The following SYNRG variants were observed in gnomAD, a reference collection of about 807,000 sequenced individuals.
SYNRG encodes the protein synergin gamma.
In SYNRG, 37 loss-of-function variants were observed where a neutral mutation model predicts 130.9. That is an observed-to-expected ratio of 0.28 (90% CI 0.22 to 0.37). The LOEUF is 0.37. Among genes scored for constraint, SYNRG ranks in the 10% least tolerant of loss-of-function variants. The pLI, the probability that SYNRG is intolerant of heterozygous loss-of-function variation, is 1.00. For missense variants in SYNRG, 1,338 were observed against 1,588.9 expected (o/e 0.84, Z 2.68); for synonymous variants, 539 against 568.1 (o/e 0.95, Z 0.73).
At chr17:37,591,975 T>C (rs1374286052) in intron 3 of SYNRG, among the ~76,000 whole-genome samples, 1 of 152,178 alleles carries the variant, frequency 6.6e-6, no homozygotes, top group African/African-American at 2.4e-5. Flanking sequence ...AATTGAACTT[T>C]TGCTCTGTAA....
At chr17:37,581,156 A>G (rs1470379983) in intron 6 of SYNRG, among the ~76,000 whole-genome samples, 3 of 152,184 alleles carry the variant, frequency 2.0e-5, no homozygotes, top group African/African-American at 4.8e-5. Flanking sequence ...GTGGCTTTTT[A>G]TTGTTAAATG....
intron 1 of SYNRG, 152 bp from the exon 2 acceptor site, chr17:37,600,555 G>A: frequency 2.6e-6 from 2 of 777,956 alleles, no homozygotes; most frequent in Non-Finnish European, 2.3e-6. Flanking sequence ...AGTACACTGA[G>A]CATCCATAGG....
At chr17:37,524,126 TG>T (rs2055522297) in intron 19 of SYNRG, among the ~76,000 whole-genome samples, 1 of 152,150 alleles carries the variant, frequency 6.6e-6, no homozygotes, top group African/African-American at 2.4e-5. Flanking sequence ...GTCAAGCATC[TG>T]GGAGCCTGGC....
intron 8 of SYNRG, among the ~76,000 whole-genome samples, chr17:37,575,840 C>CAAAAAAAAAAAAAAAAAAAAAAAAA (rs1187221456): frequency 1.6e-5 from 1 of 63,372 alleles, no homozygotes; most frequent in Non-Finnish European, 3.6e-5. Context: ...GACCTTGTCT[C>CAAAAAAAAAAAAAAAAAAAAAAAAA]AAAAAAAAAA....
intron 2 of SYNRG, among the ~76,000 whole-genome samples, chr17:37,598,421 T>C (rs1324555154): frequency 1.3e-5 from 2 of 152,216 alleles, no homozygotes; most frequent in Admixed American, 6.5e-5. Context: ...AGATTGAAAA[T>C]AGCCACAGTA....
At chr17:37,535,529 C>T (rs2057106817) in intron 19 of SYNRG, among the ~76,000 whole-genome samples, 1 of 152,132 alleles carries the variant, frequency 6.6e-6, no homozygotes, top group Non-Finnish European at 1.5e-5. Flanking sequence ...TTTGTCTATT[C>T]AGAGAACTAC....
rs180727157 is a variant in SYNRG at position 37,557,952 on chromosome 17, C to A, written c.1663+3243G>T. On this transcript the variant is annotated intron_variant, in intron 13 of 21. Coordinates refer to ENST00000612223, the MANE Select transcript of SYNRG (RefSeq NM_007247.6). Reference sequence around the variant, plus strand: ...CTATTACGGGAATACACATTATGGTCATTAATACCATATTACACAAGAATC... The same window carrying A: ...CTATTACGGGAATACACATTATGGTAATTAATACCATATTACACAAGAATC... Among the ~76,000 whole-genome samples the A allele has an allele frequency of 1.4e-4, 22 of 152,304 alleles. No homozygotes were observed. The East Asian group carries it at 4.2e-3, about 29-fold the overall frequency.
At chr17:37,520,969 C>T (rs1348365120) in intron 19 of SYNRG, among the ~76,000 whole-genome samples, 2 of 151,964 alleles carry the variant, frequency 1.3e-5, no homozygotes, top group Non-Finnish European at 2.9e-5. Flanking sequence ...GGGAGCGGCA[C>T]TTAGCCCAAC....
In SYNRG at chr17:37,540,457, G is replaced by A. The variant is rs965567491; in HGVS notation, c.3289C>T (p.Arg1097Cys). The change falls in exon 16 of 22, where the codon CGT becomes TGT. Residue 1097 changes from arginine to cysteine, a missense_variant. By Grantham distance (180) the Arg-to-Cys change is radical. This residue lies in a region of SYNRG where 1,146 missense variants were observed against 1,342.3 expected (regional missense o/e 0.85). Transcript: ENST00000612223. ...SPALEQPFRD[R>C]SNTLNEKPAL... is the part of the protein sequence containing the mutation. ...GGCTTCTCATTCAGAGTATTGGAAC[G>A]GTCTCTGAAAGGCTGCTCCAAAGCT... The A allele has an allele frequency of 6.8e-6, 11 of 1,613,744 alleles. 1 individual carries two copies. The highest frequency in any genetic ancestry group is 2.2e-5 in the South Asian group (2 of 91,072).
chr17:37,540,595 A>C, intron 15 of SYNRG, 52 bp from the exon 16 acceptor site: 1 of 1,523,422 alleles, frequency 6.6e-7, no homozygotes, highest in Non-Finnish European at 8.9e-7. Context: ...ACCTTAGTTC[A>C]GGCAGAGGCT....
chr17:37,533,844 T>C (rs1176232748), intron 19 of SYNRG, among the ~76,000 whole-genome samples: 1 of 150,842 alleles, frequency 6.6e-6, no homozygotes, highest in Non-Finnish European at 1.5e-5. Context: ...CCCAAAGTGC[T>C]GGGATTACAG....
chr17:37,553,211 T>C lies in SYNRG; in HGVS notation c.2512A>G (p.Met838Val), dbSNP rs1338609551. 6.8e-6 allele frequency: 11 copies of C among 1,614,096 alleles called. No individual in the cohort carries two copies. The highest frequency in any genetic ancestry group is 4.4e-5 in the South Asian group (4 of 91,062). Reference sequence around the variant, plus strand: ...TCTCCTCCCACATCAGCCAATTTCATGTCAAACTGAACAGAGAGTGCATCT... The same window carrying C: ...TCTCCTCCCACATCAGCCAATTTCACGTCAAACTGAACAGAGAGTGCATCT... The part of the protein sequence containing the change: ...SEDALSVQFD[M>V]KLADVGGDLK... Residue 838 changes from methionine (M) to valine (V), a missense_variant, in exon 14 of 22, where the codon ATG becomes GTG. Met to Val is a conservative substitution (Grantham distance 21). This residue lies in a region of SYNRG where 1,146 missense variants were observed against 1,342.3 expected (regional missense o/e 0.85). Transcript: ENST00000612223.
chr17:37,591,993 C>T (rs946050271), intron 3 of SYNRG, among the ~76,000 whole-genome samples: 5 of 151,924 alleles, frequency 3.3e-5, no homozygotes, highest in Admixed American at 2.0e-4. Flanking sequence ...TAAAAGACCC[C>T]GTTAAGAGGG....
At chr17:37,577,843 C>T (rs375436789) in intron 6 of SYNRG, among the ~76,000 whole-genome samples, 2 of 122,496 alleles carry the variant, frequency 1.6e-5, no homozygotes, top group East Asian at 2.5e-4. Flanking sequence ...AGATTATAGG[C>T]GCCCGCCACC....
chr17:37,534,267 CTAA>C (rs1370323123), intron 19 of SYNRG, among the ~76,000 whole-genome samples: 1 of 151,902 alleles, frequency 6.6e-6, no homozygotes, highest in Admixed American at 6.6e-5. Context: ...TTTCTAACTA[CTAA>C]TAATATGTAG....
At chr17:37,545,696 A>G in intron 14 of SYNRG, among the ~76,000 whole-genome samples, 1 of 152,206 alleles carries the variant, frequency 6.6e-6, no homozygotes, top group East Asian at 1.9e-4. Context: ...ACTCCCAGAA[A>G]AGACTAAATG....
chr17:37,562,172 T>G (rs2059583549), intron 11 of SYNRG, among the ~76,000 whole-genome samples: 1 of 152,254 alleles, frequency 6.6e-6, no homozygotes, highest in African/African-American at 2.4e-5. Flanking sequence ...ATACATCTGA[T>G]AAGCTGCCAT....
At chr17:37,585,201 T>C (rs1358037929) in intron 5 of SYNRG, 124 bp downstream of exon 5, 17 of 752,104 alleles carry the variant, frequency 2.3e-5, no homozygotes, top group African/African-American at 2.1e-4. Context: ...TAAACCAAAA[T>C]GAGAAGAATC....
At chr17:37,550,004 T>C (rs1207901721) in intron 14 of SYNRG, among the ~76,000 whole-genome samples, 1 of 152,214 alleles carries the variant, frequency 6.6e-6, no homozygotes, top group African/African-American at 2.4e-5. Context: ...ACATTTACTG[T>C]GCTCAGAAGT....
Sources: gnomAD v4.1 joint callset for allele counts (sites outside exome capture counted in the v4.1 genomes callset) on GRCh38, gnomAD v4.1.1 for gene constraint, gnomAD v4.1.1 regional missense constraint, MANE v1.5 for transcripts, NCBI Gene and HGNC (gene_info 2026-07-23, HGNC 2026-07-21) for gene names.